ACYP2: variants seen among roughly 807,000 people sequenced by gnomAD.
The protein encoded by ACYP2 is acylphosphatase-2.
A neutral mutation model predicts 11.2 loss-of-function variants in ACYP2; 12 were observed. The ratio of observed to expected loss-of-function variants is 1.08; its 90% CI spans 0.69 to 1.74. The LOEUF is 1.74. Among genes scored for constraint, ACYP2 ranks in the 40% most tolerant of loss-of-function variants. The pLI is 0.00. For synonymous variants in ACYP2, 43 were observed against 32.2 expected, an observed-to-expected ratio of 1.33 and a Z score of -1.13; for missense variants, 134 against 101.9, an observed-to-expected ratio of 1.31 and a Z score of -1.35.
intron 4 of ACYP2, 63 bp from the exon 1 acceptor site, chr2:54,115,552 G>A (rs1679701025): frequency 1.3e-6 from 2 of 1,519,574 alleles, no homozygotes; most frequent in South Asian, 2.5e-5. Flanking sequence ...CGCTTCCGAC[G>A]CGTGACCCCG....
chr2:54,296,319 T>C (rs1333929121), intron 6 of ACYP2, among the ~76,000 whole-genome samples: 1 of 152,206 alleles, frequency 6.6e-6, no homozygotes, highest in African/African-American at 2.4e-5. Flanking sequence ...CTTACTGTAT[T>C]TGATGGCTAA....
intron 6 of ACYP2, among the ~76,000 whole-genome samples, chr2:54,256,734 C>T (rs141441467): frequency 6.6e-6 from 1 of 152,342 alleles, no homozygotes; most frequent in Non-Finnish European, 1.5e-5. Flanking sequence ...TGCCGCCTCC[C>T]AAGTTCAAGC....
intron 6 of ACYP2, among the ~76,000 whole-genome samples, chr2:54,244,158 G>A (rs2103992114): frequency 6.6e-6 from 1 of 152,040 alleles, no homozygotes; most frequent in Middle Eastern, 3.4e-3. Context: ...AAGACAATTG[G>A]AGTTGTTCGT....
chr2:54,157,176 G>A (rs992360997), intron 6 of ACYP2, among the ~76,000 whole-genome samples: 1 of 151,992 alleles, frequency 6.6e-6, no homozygotes, highest in South Asian at 2.1e-4. Flanking sequence ...TAATACCATA[G>A]TCCTATACAT....
chr2:54,115,689 C>T (rs1159824432), intron 4 of ACYP2: 3 of 1,610,156 alleles, frequency 1.9e-6, no homozygotes, highest in Non-Finnish European at 2.5e-6. Context: ...ACAGAGGGCT[C>T]GCCGCCGCCA....
intron 6 of ACYP2, among the ~76,000 whole-genome samples, chr2:54,166,150 A>G (rs924070765): frequency 2.6e-5 from 4 of 152,152 alleles, no homozygotes; most frequent in Admixed American, 6.5e-5. Flanking sequence ...AAGGAAACCA[A>G]AGTGTGTGCG....
chr2:53,984,052 A>G (rs886074155), intron 2 of ACYP2, among the ~76,000 whole-genome samples: 3 of 152,126 alleles, frequency 2.0e-5, no homozygotes, highest in Non-Finnish European at 4.4e-5. Flanking sequence ...GTTTAGAAAG[A>G]TGACTCTGGG....
chr2:54,132,623 T>C (rs1488738483), intron 4 of ACYP2, among the ~76,000 whole-genome samples: 1 of 152,222 alleles, frequency 6.6e-6, no homozygotes, highest in Non-Finnish European at 1.5e-5. Flanking sequence ...CCTTTTGGAC[T>C]CTTTGGAGAT....
chr2:53,997,707 T>G (rs747254037), intron 2 of ACYP2, among the ~76,000 whole-genome samples: 1 of 152,174 alleles, frequency 6.6e-6, no homozygotes, highest in African/African-American at 2.4e-5. Context: ...TGTTTATACT[T>G]AGCAACTACT....
intron 6 of ACYP2, among the ~76,000 whole-genome samples, chr2:54,256,745 G>A (rs1042721934): frequency 3.3e-5 from 5 of 152,204 alleles, no homozygotes; most frequent in African/African-American, 4.8e-5. Context: ...AAGTTCAAGC[G>A]ATTCTCCTGC....
chr2:53,990,422 G>A (rs1013258532), intron 2 of ACYP2, among the ~76,000 whole-genome samples: 1 of 152,044 alleles, frequency 6.6e-6, no homozygotes, highest in African/African-American at 2.4e-5. Context: ...GCTGAGGCAG[G>A]TGGATCACCT....
chr2:53,978,938 A>G (rs576454635), intron 2 of ACYP2, among the ~76,000 whole-genome samples: 12 of 152,228 alleles, frequency 7.9e-5, no homozygotes, highest in Non-Finnish European at 1.3e-4. Context: ...TAAAAAAAAG[A>G]GTATAGCATA....
chr2:54,253,225 A>G (rs1456431113), intron 6 of ACYP2: 1 of 152,266 alleles, frequency 6.6e-6, no homozygotes, highest in Non-Finnish European at 1.5e-5. Flanking sequence ...AATAGTTTCC[A>G]GTCTTCCGCA....
intron 2 of ACYP2, among the ~76,000 whole-genome samples, chr2:53,998,147 G>A (rs767118658): frequency 3.3e-5 from 5 of 152,172 alleles, no homozygotes; most frequent in Non-Finnish European, 2.9e-5. Flanking sequence ...TAGAAGAGAG[G>A]TCAAGTAGTG....
chr2:54,086,251 C>G (rs1480311523), intron 4 of ACYP2, among the ~76,000 whole-genome samples: 5 of 152,144 alleles, frequency 3.3e-5, no homozygotes, highest in Non-Finnish European at 7.3e-5. Flanking sequence ...GGCACAGCCA[C>G]TTTTACATTT....
intron 6 of ACYP2, among the ~76,000 whole-genome samples, chr2:54,231,340 G>A (rs1259610722): frequency 1.3e-5 from 2 of 152,152 alleles, no homozygotes; most frequent in Admixed American, 6.5e-5. Flanking sequence ...ATTATGAAAT[G>A]TGTCTGAGAT....
chr2:54,067,201 A>AGTT (rs1198115058), intron 4 of ACYP2, among the ~76,000 whole-genome samples: 7 of 152,226 alleles, frequency 4.6e-5, no homozygotes, highest in Non-Finnish European at 1.0e-4. Flanking sequence ...GTCTAAGTAA[A>AGTT]ATGTCTGTGT....
intron 2 of ACYP2, among the ~76,000 whole-genome samples, chr2:54,008,797 C>T (rs1573507309): frequency 6.6e-6 from 1 of 152,122 alleles, no homozygotes; most frequent in East Asian, 1.9e-4. Flanking sequence ...GAGAAGCATT[C>T]TCTGCTAGCA....
At chr2:54,105,191 C>T (rs988631199) in intron 4 of ACYP2, among the ~76,000 whole-genome samples, 15 of 152,124 alleles carry the variant, frequency 9.9e-5, no homozygotes, top group African/African-American at 1.2e-4. Flanking sequence ...CAGACTCCAC[C>T]GTGGCTTCCA....
Sources: gnomAD v4.1 joint callset for allele counts (sites outside exome capture counted in the v4.1 genomes callset) on GRCh38, gnomAD v4.1.1 for gene constraint, MANE v1.5 for transcripts, NCBI Gene and HGNC (gene_info 2026-07-23, HGNC 2026-07-21) for gene names.